AHRR: variants seen among roughly 807,000 people sequenced by gnomAD.
AHRR encodes the protein ahR repressor.
AHRR carries 28 observed loss-of-function variants against 44.0 expected under a neutral mutation model. The observed-to-expected ratio is 0.64, with a 90% confidence interval of 0.47 to 0.87. The LOEUF is 0.87. Ranked by LOEUF, AHRR falls within the 40% of genes least tolerant of loss-of-function variation. The probability of loss-of-function intolerance (pLI) is 0.00; values close to 1 mark genes in which losing one functional copy is unlikely to be tolerated. For missense variants in AHRR, 990 were observed against 953.9 expected (o/e 1.04, Z -0.50); for synonymous variants, 434 against 407.0 (o/e 1.07, Z -0.80).
At chr5:375,495 C>T (rs1012885324) in intron 3 of AHRR, among the ~76,000 whole-genome samples, 9 of 152,198 alleles carry the variant, frequency 5.9e-5, no homozygotes, top group Admixed American at 2.0e-4. Flanking sequence ...GGCTGTGCCA[C>T]GCCGGGACCC....
intron 4 of AHRR, among the ~76,000 whole-genome samples, chr5:403,206 G>A (rs1477430058): frequency 6.6e-6 from 1 of 152,202 alleles, no homozygotes; most frequent in Non-Finnish European, 1.5e-5. Context: ...CCGGGCTGAG[G>A]AGGGGAGTGG....
Position 353,863 on chromosome 5 carries a change from G to C in AHRR, c.196G>C (p.Val66Leu). The C allele has an allele frequency of 1.2e-6, 2 of 1,614,138 alleles. No homozygotes were observed. Among genetic ancestry groups the C allele is most frequent in the African/African-American group, 2.7e-5 (2 of 75,064 alleles). Residue 66 changes from valine to leucine, a missense_variant, in exon 3 of 11, where the codon GTC (valine) becomes CTC (leucine). Coordinates refer to ENST00000684583, the MANE Select transcript of AHRR (RefSeq NM_001377236.1). ...DIISKLDKLS[V>L]LRLSVSYLRV... ...CATCTCCAAGCTGGACAAGCTTTCT[G>C]TCCTGCGCCTCAGTGTCAGTTACCT...
chr5:391,373 TGGGCGCAGGGCGAGGA>T (rs1158800151), intron 4 of AHRR, among the ~76,000 whole-genome samples: 106 of 70,420 alleles, frequency 1.5e-3, no homozygotes, highest in Middle Eastern at 8.8e-3. Flanking sequence ...AGAGCGTGCA[TGGGCGCAGGGCGAGGA>T]GGGCGCAGGG....
rs566262422 is a variant in AHRR, at chr5:427,868, G to A, written c.770G>A (p.Gly257Glu). Residue 257 changes from glycine (G) to glutamate (E), a missense_variant, in exon 8 of 11, where the codon GGA becomes GAA. Transcript: ENST00000684583. ...GGACAGAAGAAGAAGGCGCCGTCAGGAGCCATGCTCCCGCCGCGGCTGTCG... is the reference window on the plus strand; with the variant it reads ...GGACAGAAGAAGAAGGCGCCGTCAGAAGCCATGCTCCCGCCGCGGCTGTCG... ...LFGQKKKAPS[G>E]AMLPPRLSLF... 1 of 1,614,132 alleles carries A rather than the reference G, an allele frequency of 6.2e-7. No homozygotes were observed. The highest frequency in any genetic ancestry group is 2.2e-5 in the East Asian group (1 of 44,890).
chr5:362,153 A>G (rs1385984275), intron 3 of AHRR, among the ~76,000 whole-genome samples: 1 of 152,158 alleles, frequency 6.6e-6, no homozygotes, highest in African/African-American at 2.4e-5. Context: ...ATAAGGAGAG[A>G]CATCGGAGGG....
chr5:351,821 T>C (rs948428561), intron 2 of AHRR, among the ~76,000 whole-genome samples: 4 of 152,196 alleles, frequency 2.6e-5, no homozygotes, highest in Admixed American at 2.0e-4. Flanking sequence ...TGTTAGACAG[T>C]GAGAAATGGA....
In AHRR at chr5:413,409, C is replaced by G. The variant is rs763642395; in HGVS notation, c.417C>G (p.Ile139Met). 4 of 1,613,734 alleles carry G rather than the reference C, an allele frequency of 2.5e-6. No homozygotes were observed. The highest frequency in any genetic ancestry group is 2.7e-5 in the African/African-American group (2 of 74,984). The stretch of plus-strand genomic sequence containing the variant: ...CGATATTTTATGCATCAGCAACGAT[C>G]GTGGACTATCTGGGCTTCCATCAGG... Reference protein sequence around the residue: ...EGTIFYASATIVDYLGFHQTD... With the variant: ...EGTIFYASATMVDYLGFHQTD... The change falls in exon 5 of 11, where the codon ATC (isoleucine) becomes ATG (methionine). Residue 139 changes from isoleucine to methionine, a missense_variant. By Grantham distance (10) the Ile-to-Met change is conservative. Transcript: ENST00000684583.
chr5:427,742 G>T (rs1427978433), intron 7 of AHRR, 65 bp from the exon 8 acceptor site: 4 of 1,612,574 alleles, frequency 2.5e-6, no homozygotes, highest in Non-Finnish European at 3.4e-6. Flanking sequence ...TGAGTTCTGT[G>T]TCCTGTGACC....
chr5:349,168 T>G (rs1742775144), intron 2 of AHRR, among the ~76,000 whole-genome samples: 1 of 152,276 alleles, frequency 6.6e-6, no homozygotes, highest in Non-Finnish European at 1.5e-5. Flanking sequence ...GTTTTCTTAC[T>G]ATTGAGTTGT....
At chr5:421,149 C>A in intron 5 of AHRR, 1 of 571,058 alleles carries the variant, frequency 1.8e-6, no homozygotes, top group Non-Finnish European at 3.1e-6. Context: ...GAGGAGCCGC[C>A]CCGCCTGGGA....
intron 5 of AHRR, 91 bp downstream of exon 5, chr5:413,524 G>C (rs2672731): frequency 0.33 from 327,342 of 979,818 alleles, 58,714 homozygotes; most frequent in African/African-American, 0.48. Flanking sequence ...TTGATAATGT[G>C]TAAAATCAGG....
Position 390,839 on chromosome 5 carries a change from C to T in AHRR, c.351+14123C>T, listed in dbSNP as rs955858223. ...AGACAGAGACCTGGATGCAGGAGGC[C>T]GGGAGGAAACGCACAAACGCCTTCC... On this transcript the variant is annotated intron_variant, in intron 4 of 10. Coordinates refer to ENST00000684583, the MANE Select transcript of AHRR (RefSeq NM_001377236.1). Among the ~76,000 whole-genome samples the T allele has an allele frequency of 3.9e-5, 6 of 152,052 alleles. No homozygotes were observed. The East Asian group carries it at 5.8e-4, about 15-fold the overall frequency.
Position 343,932 on chromosome 5 carries a change from G to C in AHRR, c.30G>C (p.Ala10=). MIPPGECTY[A]GRKRRRPLQK... The stretch of plus-strand genomic sequence containing the variant: ...TCCCGCCGGGGGAGTGCACGTACGC[G>C]GGCCGGAAGCGGAGGAGGCCCCTGC... The change falls in exon 2 of 11, where the codon GCG becomes GCC. Residue 10 remains alanine, a synonymous_variant. Coordinates refer to ENST00000684583, the MANE Select transcript of AHRR (RefSeq NM_001377236.1). 1 of 1,601,048 alleles carries C rather than the reference G, an allele frequency of 6.2e-7. No individual in the cohort carries two copies. Among genetic ancestry groups the C allele is most frequent in the Non-Finnish European group, 8.5e-7 (1 of 1,174,396 alleles).
Position 337,924 on chromosome 5 carries a change from C to T in AHRR, c.-10-5969C>T, listed in dbSNP as rs1026240177. Among the ~76,000 whole-genome samples the T allele has an allele frequency of 1.3e-5, 2 of 152,160 alleles. No individual in the cohort carries two copies. Among genetic ancestry groups the T allele is most frequent in the African/African-American group, 4.8e-5 (2 of 41,434 alleles). On this transcript the variant is annotated intron_variant, in intron 1 of 10. Coordinates refer to ENST00000684583, the MANE Select transcript of AHRR (RefSeq NM_001377236.1). This position sits in a 1 kb window ranked among gnomAD's most constrained non-coding sequence, Gnocchi z 4.1. ...TCTTCCTGCTGGGCTCCTCTAGGAC[C>T]GTATTCAGGCCAGTGCAACATCATG... is the stretch of plus-strand genomic sequence containing the variant.
At position 395,047 on chromosome 5, in the gene AHRR, G is replaced by C. The variant is rs1300603951; in HGVS notation, c.352-18297G>C. Among the ~76,000 whole-genome samples, 1 of 152,232 alleles carries C rather than the reference G, an allele frequency of 6.6e-6. No individual in the cohort carries two copies. Among genetic ancestry groups the C allele is most frequent in the Non-Finnish European group, 1.5e-5 (1 of 68,026 alleles). On this transcript the variant is annotated intron_variant, in intron 4 of 10. Coordinates refer to ENST00000684583, the MANE Select transcript of AHRR (RefSeq NM_001377236.1). This position sits in a 1 kb window ranked among gnomAD's most constrained non-coding sequence, Gnocchi z 5.3. ...CTCGAGGCATCTTGGGAGGGCAAAG[G>C]CAGGACGGGAAAGTGATTTCTCCCA...
chr5:363,318 G>C (rs1037681052), intron 3 of AHRR, among the ~76,000 whole-genome samples: 5 of 152,202 alleles, frequency 3.3e-5, no homozygotes, highest in African/African-American at 9.6e-5. Context: ...GCATTCTCAT[G>C]GTCTCCTAAG....
chr5:378,910 T>C (rs1733860211), intron 4 of AHRR, among the ~76,000 whole-genome samples: 1 of 152,212 alleles, frequency 6.6e-6, no homozygotes, highest in South Asian at 2.1e-4. Flanking sequence ...AGGATACATT[T>C]TCTAACACTT....
chr5:381,244 C>T (rs1733969154), intron 4 of AHRR, among the ~76,000 whole-genome samples: 1 of 152,242 alleles, frequency 6.6e-6, no homozygotes, highest in Non-Finnish European at 1.5e-5. Flanking sequence ...AACAATTCTC[C>T]ACCAGCTGTC....
intron 5 of AHRR, among the ~76,000 whole-genome samples, chr5:416,682 T>G (rs1735828416): frequency 6.6e-6 from 1 of 152,010 alleles, no homozygotes; most frequent in Non-Finnish European, 1.5e-5. Flanking sequence ...TTTACACGTG[T>G]GGAGAGTAGT....
Sources: allele counts gnomAD v4.1 joint callset (sites outside exome capture counted in the v4.1 genomes callset), GRCh38; gene constraint gnomAD v4.1.1; non-coding constraint Gnocchi (gnomAD v3.1); transcripts MANE v1.5; gene names NCBI Gene and HGNC (gene_info 2026-07-23, HGNC 2026-07-21).